Variants in PIGL observed in about 807,000 individuals in gnomAD.
PIGL encodes the protein phosphatidylinositol glycan anchor biosynthesis class L.
PIGL carries 22 observed loss-of-function variants against 31.1 expected under a neutral mutation model. The ratio of observed to expected loss-of-function variants is 0.71; its 90% CI spans 0.51 to 1.01. The LOEUF is 1.01. PIGL is among the 50% of genes least tolerant of loss of function. The pLI, the probability that PIGL is intolerant of heterozygous loss-of-function variation, is 0.00. For missense variants in PIGL, 302 were observed against 315.9 expected (o/e 0.96, Z 0.33); for synonymous variants, 131 against 117.4 (o/e 1.12, Z -0.75).
intron 3 of PIGL, among the ~76,000 whole-genome samples, chr17:16,309,697 G>A (rs1198541110): frequency 6.6e-6 from 1 of 150,626 alleles, no homozygotes; most frequent in Non-Finnish European, 1.5e-5. Context: ...GGAGGTAGAA[G>A]TTGCAGTGAG....
rs928474428 is a variant in PIGL at position 16,225,708 on chromosome 17, A to G, written c.235+8247A>G. Among the ~76,000 whole-genome samples the G allele has an allele frequency of 4.4e-4, 66 of 151,142 alleles. 1 individual carries two copies. Among genetic ancestry groups the G allele is most frequent in the Non-Finnish European group, 4.4e-5 (3 of 67,832 alleles). ...CCATATTTGTGGTAATATTTTGGTG[A>G]TTTACTTTAGCTTCAGCCAGGTAGC... On this transcript the variant is annotated intron_variant, in intron 1 of 6. Coordinates refer to ENST00000225609, the MANE Select transcript of PIGL (RefSeq NM_004278.4).
At chr17:16,274,723 CA>C (rs536998016) in intron 2 of PIGL, among the ~76,000 whole-genome samples, 6,216 of 133,686 alleles carry the variant, frequency 0.046, 423 homozygotes, top group African/African-American at 0.16. Context: ...GACTACGTCT[CA>C]AAAAAAAAAA....
At chr17:16,260,650 G>C (rs754421931) in intron 2 of PIGL, among the ~76,000 whole-genome samples, 1 of 152,058 alleles carries the variant, frequency 6.6e-6, no homozygotes, top group South Asian at 2.1e-4. Context: ...CTGACAGCTG[G>C]ATACTCGTTG....
chr17:16,298,852 AC>A (rs1254017043), intron 2 of PIGL, among the ~76,000 whole-genome samples: 2 of 152,000 alleles, frequency 1.3e-5, no homozygotes, highest in African/African-American at 2.4e-5. Context: ...ACTTGGTGAC[AC>A]CCTGTCTCTA....
chr17:16,247,440 C>T (rs1271599793), intron 2 of PIGL, among the ~76,000 whole-genome samples: 1 of 152,142 alleles, frequency 6.6e-6, no homozygotes, highest in Non-Finnish European at 1.5e-5. Flanking sequence ...TATATATTTA[C>T]AAAATATAAG....
At chr17:16,298,380 T>G (rs2092991322) in intron 2 of PIGL, among the ~76,000 whole-genome samples, 1 of 151,928 alleles carries the variant, frequency 6.6e-6, no homozygotes, top group Non-Finnish European at 1.5e-5. Flanking sequence ...CAAAGAGAGA[T>G]AGGTATCAGT....
At chr17:16,242,552 C>T (rs1289978572) in intron 2 of PIGL, among the ~76,000 whole-genome samples, 1 of 149,690 alleles carries the variant, frequency 6.7e-6, no homozygotes, top group African/African-American at 2.5e-5. Context: ...CCAGTTTTAA[C>T]TTGATTCCCT....
intron 2 of PIGL, among the ~76,000 whole-genome samples, chr17:16,288,695 G>A (rs1447268466): frequency 6.6e-6 from 1 of 151,706 alleles, no homozygotes; most frequent in East Asian, 1.9e-4. Context: ...ACGCACCACT[G>A]TGCCCGGCTA....
At chr17:16,252,078 TTC>T (rs1239910328) in intron 2 of PIGL, among the ~76,000 whole-genome samples, 7 of 149,264 alleles carry the variant, frequency 4.7e-5, no homozygotes, top group African/African-American at 4.9e-5. Context: ...TTTTTTTTTT[TTC>T]TTTTTTTTTG....
chr17:16,221,558 TC>T (rs1362242717), intron 1 of PIGL, among the ~76,000 whole-genome samples: 3 of 151,792 alleles, frequency 2.0e-5, no homozygotes, highest in Non-Finnish European at 4.4e-5. Context: ...CAAGCAATTC[TC>T]CTGCCTCAGC....
At chr17:16,289,880 G>A (rs542396589) in intron 2 of PIGL, among the ~76,000 whole-genome samples, 5 of 152,086 alleles carry the variant, frequency 3.3e-5, no homozygotes, top group African/African-American at 7.2e-5. Flanking sequence ...GGGTTAAAGC[G>A]ATTCTCCTGC....
intron 5 of PIGL, 33 bp downstream of exon 5, chr17:16,316,745 G>T (rs1203134245): frequency 1.9e-6 from 3 of 1,607,570 alleles, no homozygotes; most frequent in Non-Finnish European, 8.5e-7. Context: ...AGGGCCACAA[G>T]ATACTGTCCC....
At position 16,261,535 on chromosome 17, in the gene PIGL, T is replaced by C. The variant is rs79818086; in HGVS notation, c.335+27465T>C. Among the ~76,000 whole-genome samples the C allele has an allele frequency of 1.9e-3, 286 of 152,294 alleles. 7 individuals carry two copies. In the East Asian group the frequency reaches 0.045, roughly 24 times the overall value. Reference sequence around the variant, plus strand: ...AGCCACATAGCTCATCAGGGATTGATATTCAGAATATATAAAGAAGTCTTA... The same window carrying C: ...AGCCACATAGCTCATCAGGGATTGACATTCAGAATATATAAAGAAGTCTTA... On this transcript the variant is annotated intron_variant, in intron 2 of 6. Transcript: ENST00000225609.
At position 16,217,244 on chromosome 17, in the gene PIGL, C is replaced by G. The variant is rs1320111977; in HGVS notation, c.18C>G (p.Leu6=). The G allele has an allele frequency of 1.9e-6, 3 of 1,613,996 alleles. No homozygotes were observed. Among genetic ancestry groups the G allele is most frequent in the Non-Finnish European group, 2.5e-6 (3 of 1,180,004 alleles). The change falls in exon 1 of 7, where the codon CTC becomes CTG. Residue 6 remains leucine, a synonymous_variant. Coordinates refer to ENST00000225609, the MANE Select transcript of PIGL (RefSeq NM_004278.4). MEAMW[L]LCVALAVLAW... is the part of the protein sequence containing the mutation. ...TACCCATCATGGAAGCAATGTGGCT[C>G]CTGTGTGTGGCGTTGGCGGTCTTGG...
intron 2 of PIGL, among the ~76,000 whole-genome samples, chr17:16,282,706 A>G (rs2092921406): frequency 6.6e-6 from 1 of 152,200 alleles, no homozygotes; most frequent in Non-Finnish European, 1.5e-5. Flanking sequence ...AGGAATCCAG[A>G]GTGCTCATTA....
At chr17:16,237,923 C>A (rs1160442060) in intron 2 of PIGL, among the ~76,000 whole-genome samples, 3 of 150,628 alleles carry the variant, frequency 2.0e-5, no homozygotes, top group African/African-American at 7.3e-5. Flanking sequence ...CAGGGCCGGG[C>A]GCATTGGCTC....
chr17:16,280,705 GT>G (rs899543389), intron 2 of PIGL, among the ~76,000 whole-genome samples: 2 of 151,628 alleles, frequency 1.3e-5, no homozygotes, highest in Admixed American at 6.6e-5. Flanking sequence ...TGTTTTTTTT[GT>G]TTTGTTTTGT....
rs551426099 is a variant in PIGL, at chr17:16,279,350, A to G, written c.336-20538A>G. Among the ~76,000 whole-genome samples the G allele has an allele frequency of 5.9e-5, 9 of 152,354 alleles. No individual in the cohort carries two copies. The South Asian group carries it at 1.9e-3, about 32-fold the overall frequency. The stretch of plus-strand genomic sequence containing the variant: ...ATTTCTACAACCTAATTTTTGACAT[A>G]TTTTAGATGCCAGTTCATTTACTGT... On this transcript the variant is annotated intron_variant, in intron 2 of 6. Transcript: ENST00000225609.
rs1324267989 is a variant in PIGL at position 16,258,486 on chromosome 17, T to TTTTA, written c.335+24420_335+24423dup. Reference sequence around the variant, plus strand: ...AGCCACCTCACCTGGCCTCTTTTATTTTTATTTTTATTTATTTATTTATTT... The same window carrying TTTTA: ...AGCCACCTCACCTGGCCTCTTTTATTTTTATTTATTTTTATTTATTTATTTATTT... On this transcript the variant is annotated intron_variant, in intron 2 of 6. Transcript: ENST00000225609. 1.8e-4 allele frequency among the ~76,000 whole-genome samples: 27 copies of TTTTA among 150,302 alleles called. No individual in the cohort carries two copies. The East Asian group carries it at 5.1e-3, about 29-fold the overall frequency.
Sources: allele counts gnomAD v4.1 joint callset (sites outside exome capture counted in the v4.1 genomes callset), GRCh38; gene constraint gnomAD v4.1.1; transcripts MANE v1.5; gene names NCBI Gene and HGNC (gene_info 2026-07-23, HGNC 2026-07-21).